SORCS1: variants seen among roughly 807,000 people sequenced by gnomAD.
SORCS1 encodes the protein sortilin related VPS10 domain containing receptor 1, also known as VPS10 domain-containing receptor SorCS1.
In SORCS1, 60 loss-of-function variants were observed where a neutral mutation model predicts 146.1. That is an observed-to-expected ratio of 0.41 (90% CI 0.33 to 0.51). The LOEUF (loss-of-function observed/expected upper bound fraction) is 0.51, where lower values mean the gene tolerates loss of function less well. Among genes scored for constraint, SORCS1 ranks in the 20% least tolerant of loss-of-function variants. The pLI, the probability that SORCS1 is intolerant of heterozygous loss-of-function variation, is 0.21. For synonymous variants in SORCS1, 637 were observed against 584.0 expected (o/e 1.09, Z -1.31); for missense variants, 1,352 against 1,487.6 (o/e 0.91, Z 1.50).
chr10:107,011,538 T>C (rs1957696837), intron 1 of SORCS1, among the ~76,000 whole-genome samples: 2 of 152,220 alleles, frequency 1.3e-5, no homozygotes, highest in African/African-American at 4.8e-5. Flanking sequence ...ACATGGACTC[T>C]TGTTCAATCA....
intron 2 of SORCS1, among the ~76,000 whole-genome samples, chr10:106,952,233 T>A (rs958259150): frequency 6.6e-6 from 1 of 152,134 alleles, no homozygotes; most frequent in African/African-American, 2.4e-5. Flanking sequence ...CAATAATAGT[T>A]GTCTCAGTGA....
In SORCS1 at chr10:106,960,038, C is replaced by T. The variant is rs1167401771; in HGVS notation, c.559-3458G>A. ...CACAAAGTGGCATATCCATCAGCAC[C>T]CCATTTATTTCTGTATCTTGTTTTC... On this transcript the variant is annotated intron_variant, in intron 1 of 25. Transcript: ENST00000263054. This position sits in a 1 kb window ranked among gnomAD's most constrained non-coding sequence, Gnocchi z 4.4. Among the ~76,000 whole-genome samples the T allele has an allele frequency of 6.6e-6, 1 of 152,090 alleles. No individual in the cohort carries two copies. The highest frequency in any genetic ancestry group is 2.4e-5 in the African/African-American group (1 of 41,418).
chr10:107,056,211 A>G, intron 1 of SORCS1, among the ~76,000 whole-genome samples: 1 of 152,196 alleles, frequency 6.6e-6, no homozygotes, highest in East Asian at 1.9e-4. Context: ...AGGAGCCTAG[A>G]TGAAGCAATG....
At chr10:107,014,253 CAAAAAA>C (rs562179526) in intron 1 of SORCS1, among the ~76,000 whole-genome samples, 5 of 79,346 alleles carry the variant, frequency 6.3e-5, no homozygotes, top group Non-Finnish European at 7.2e-5. Flanking sequence ...GACCCTGCGT[CAAAAAA>C]AAAAAAAAAA....
At chr10:107,121,528 A>G (rs912107412) in intron 1 of SORCS1, among the ~76,000 whole-genome samples, 2 of 152,174 alleles carry the variant, frequency 1.3e-5, no homozygotes, top group African/African-American at 4.8e-5. Flanking sequence ...GATGCCTGTT[A>G]TTACATTATT....
chr10:107,084,098 T>TG (rs1451155188), intron 1 of SORCS1, among the ~76,000 whole-genome samples: 1 of 146,450 alleles, frequency 6.8e-6, no homozygotes, highest in African/African-American at 2.5e-5. Flanking sequence ...TTTTGTTTTT[T>TG]TTTTTTTTTT....
intron 1 of SORCS1, among the ~76,000 whole-genome samples, chr10:107,114,428 C>T (rs547578322): frequency 6.6e-6 from 1 of 152,166 alleles, no homozygotes; most frequent in Admixed American, 6.5e-5. Flanking sequence ...GATCATACAC[C>T]ATGTCAAATC....
intron 6 of SORCS1, among the ~76,000 whole-genome samples, chr10:106,721,087 A>G (rs1328924321): frequency 2.0e-5 from 3 of 151,820 alleles, no homozygotes; most frequent in African/African-American, 7.3e-5. Context: ...AAAAAAAAAA[A>G]GCATAGTACT....
intron 1 of SORCS1, among the ~76,000 whole-genome samples, chr10:106,975,550 A>T (rs7913297): frequency 0.051 from 7,697 of 152,252 alleles, 598 homozygotes; most frequent in African/African-American, 0.17. Flanking sequence ...GTAGACCCTG[A>T]GGGAGAAAAA....
chr10:106,913,265 G>A (rs753329484), intron 2 of SORCS1, among the ~76,000 whole-genome samples: 3 of 152,250 alleles, frequency 2.0e-5, no homozygotes, highest in Admixed American at 6.5e-5. Context: ...TGGGCGCTTC[G>A]AATGTTCATT....
intron 18 of SORCS1, among the ~76,000 whole-genome samples, chr10:106,632,457 G>C (rs1389997451): frequency 6.6e-6 from 1 of 152,092 alleles, no homozygotes; most frequent in Non-Finnish European, 1.5e-5. Flanking sequence ...TGGAAGCAAG[G>C]ATGTCAGCCA....
intron 2 of SORCS1, among the ~76,000 whole-genome samples, chr10:106,884,440 T>G (rs1950920936): frequency 6.6e-6 from 1 of 152,190 alleles, no homozygotes; most frequent in Non-Finnish European, 1.5e-5. Flanking sequence ...TATTTTTTTT[T>G]TCTTTTAAAT....
At chr10:107,029,085 G>A (rs1185894772) in intron 1 of SORCS1, among the ~76,000 whole-genome samples, 7 of 152,140 alleles carry the variant, frequency 4.6e-5, no homozygotes, top group Non-Finnish European at 8.8e-5. Flanking sequence ...GCTTTAGTGG[G>A]AAGATTACTA....
intron 23 of SORCS1, among the ~76,000 whole-genome samples, chr10:106,605,216 A>G (rs567675688): frequency 6.6e-6 from 1 of 152,376 alleles, no homozygotes; most frequent in East Asian, 1.9e-4. Flanking sequence ...GGAAACACCC[A>G]GAAGAGACAG....
At chr10:106,826,102 C>T (rs1948292690) in intron 3 of SORCS1, among the ~76,000 whole-genome samples, 1 of 152,356 alleles carries the variant, frequency 6.6e-6, no homozygotes, top group Admixed American at 6.5e-5. Flanking sequence ...GTACCCCTAA[C>T]AAGCTGCCTG....
At chr10:106,940,856 C>T (rs996440951) in intron 2 of SORCS1, among the ~76,000 whole-genome samples, 1 of 152,166 alleles carries the variant, frequency 6.6e-6, no homozygotes. Context: ...TGCACTCCAG[C>T]CTGGGCAACA....
At chr10:106,844,682 T>C (rs1949236457) in intron 2 of SORCS1, among the ~76,000 whole-genome samples, 2 of 148,212 alleles carry the variant, frequency 1.3e-5, no homozygotes, top group Admixed American at 1.3e-4. Flanking sequence ...CTGCACCCAC[T>C]AACTCGTCAT....
intron 18 of SORCS1, among the ~76,000 whole-genome samples, chr10:106,637,179 A>T (rs1848778903): frequency 6.6e-6 from 1 of 152,216 alleles, no homozygotes; most frequent in African/African-American, 2.4e-5. Flanking sequence ...GAGCTTTTCT[A>T]GAACAGTTAA....
chr10:107,010,671 G>A (rs1336319498), intron 1 of SORCS1, among the ~76,000 whole-genome samples: 4 of 133,532 alleles, frequency 3.0e-5, no homozygotes, highest in Non-Finnish European at 4.6e-5. Context: ...TTGAACAACT[G>A]AGCTAACCGT....
Sources: gnomAD v4.1 joint callset for allele counts (sites outside exome capture counted in the v4.1 genomes callset) on GRCh38, gnomAD v4.1.1 for gene constraint, Gnocchi (gnomAD v3.1) non-coding constraint, MANE v1.5 for transcripts, NCBI Gene and HGNC (gene_info 2026-07-23, HGNC 2026-07-21) for gene names.